ITGAD: variants seen among roughly 807,000 people sequenced by gnomAD.
ITGAD encodes integrin alpha-D.
ITGAD carries 105 observed loss-of-function variants against 139.0 expected under a neutral mutation model. The ratio of observed to expected loss-of-function variants is 0.76; its 90% CI spans 0.65 to 0.89. The LOEUF is 0.89. ITGAD is among the 40% of genes least tolerant of loss of function. The pLI is 0.00. For missense variants in ITGAD, 1,384 were observed against 1,487.3 expected (o/e 0.93, Z 1.14); for synonymous variants, 569 against 598.3 (o/e 0.95, Z 0.71).
chr16:31,407,329 CT>C (rs2081563499), intron 7 of ITGAD, among the ~76,000 whole-genome samples, 185 bp from the exon 8 acceptor site: 1 of 152,136 alleles, frequency 6.6e-6, no homozygotes, highest in African/African-American at 2.4e-5. Context: ...ACTCCAGAGC[CT>C]GGGCATCAGA....
intron 2 of ITGAD, among the ~76,000 whole-genome samples, chr16:31,395,151 T>C (rs1473520613): frequency 6.6e-6 from 1 of 152,060 alleles, no homozygotes; most frequent in Non-Finnish European, 1.5e-5. Flanking sequence ...ACCCCATCTC[T>C]ACTAAAAATG....
intron 18 of ITGAD, 117 bp downstream of exon 18, chr16:31,415,108 G>A: frequency 8.4e-7 from 1 of 1,188,310 alleles, no homozygotes; most frequent in Non-Finnish European, 1.2e-6. Flanking sequence ...CCTGACTCCA[G>A]TCTCTCCCTT....
At chr16:31,406,083 C>CT (rs900083489) in intron 7 of ITGAD, among the ~76,000 whole-genome samples, 103 of 144,216 alleles carry the variant, frequency 7.1e-4, no homozygotes, top group Non-Finnish European at 1.0e-3. Context: ...TTTTTTTTTT[C>CT]TTTTTTTTTG....
chr16:31,408,590 C>A (rs1003640657), intron 10 of ITGAD, 92 bp downstream of exon 10: 4 of 1,117,668 alleles, frequency 3.6e-6, no homozygotes, highest in African/African-American at 3.1e-5. Flanking sequence ...TAAACAAGAG[C>A]AGACCCCATC....
rs1179435304 is a variant in ITGAD, at chr16:31,414,451, G to A, written c.1997G>A (p.Gly666Asp). The A allele has an allele frequency of 6.2e-7, 1 of 1,613,912 alleles. No individual in the cohort carries two copies. The stretch of plus-strand genomic sequence containing the variant: ...TTTTGCACTCTCCCCTGCACTTCAG[G>A]TGACATCCAAAGCTCTGTCAGGTTT... ...TIQKSSLDQLGDIQSSVRFDL... is the reference protein window; with the variant it reads ...TIQKSSLDQLDDIQSSVRFDL... Residue 666 changes from glycine (G) to aspartate (D), a missense_variant and splice_region_variant, in exon 17 of 30, where the codon GGT becomes GAT. Coordinates refer to ENST00000389202, the MANE Select transcript of ITGAD (RefSeq NM_005353.3).
chr16:31,417,992 G>C, intron 20 of ITGAD, 83 bp from the exon 21 acceptor site: 2 of 1,024,434 alleles, frequency 2.0e-6, no homozygotes, highest in South Asian at 2.7e-5. Flanking sequence ...ATTTTCCCTA[G>C]TGCTCTGCAG....
chr16:31,414,752 G>A (rs922251187), intron 17 of ITGAD, 108 bp from the exon 18 acceptor site: 19 of 1,552,936 alleles, frequency 1.2e-5, no homozygotes, highest in East Asian at 4.5e-5. Flanking sequence ...CTGGCTCCAC[G>A]GCTTGGAGGG....
At position 31,403,456 on chromosome 16, in the gene ITGAD, G is replaced by A; in HGVS notation, c.559-44G>A. On this transcript the variant is annotated intron_variant, in intron 6 of 29. Coordinates refer to ENST00000389202, the MANE Select transcript of ITGAD (RefSeq NM_005353.3). The surrounding 1 kb of genome is among the most constrained non-coding windows in gnomAD (Gnocchi z 4.4). Reference sequence around the variant, plus strand: ...ACAAAAAATTAAAATAAAAACAATAGTAACAGGCACTGAGCCCTGGGCCCT... The same window carrying A: ...ACAAAAAATTAAAATAAAAACAATAATAACAGGCACTGAGCCCTGGGCCCT... 2.5e-6 allele frequency: 4 copies of A among 1,607,830 alleles called. No individual in the cohort carries two copies. Among genetic ancestry groups the A allele is most frequent in the Non-Finnish European group, 3.4e-6 (4 of 1,176,162 alleles).
At chr16:31,405,931 C>G (rs1301548201) in intron 7 of ITGAD, among the ~76,000 whole-genome samples, 1 of 152,208 alleles carries the variant, frequency 6.6e-6, no homozygotes, top group Non-Finnish European at 1.5e-5. Flanking sequence ...ATGGCTGTGT[C>G]TACTAACAGG....
rs754182830 is a variant in ITGAD at position 31,403,111 on chromosome 16, T to C, written c.559-389T>C. 119 of 155,798 alleles carry C rather than the reference T, an allele frequency of 7.6e-4. No individual in the cohort carries two copies. Among genetic ancestry groups the C allele is most frequent in the Non-Finnish European group, 6.8e-4 (48 of 70,374 alleles). The allele number at this position is 155,798 out of a possible 1,614,324, so 9.7% of individuals were successfully genotyped here. On this transcript the variant is annotated intron_variant, in intron 6 of 29. Transcript: ENST00000389202. This position sits in a 1 kb window ranked among gnomAD's most constrained non-coding sequence, Gnocchi z 4.4. ...TCTCTGGGTTTCAGTATATTATTTG[T>C]AGGGCTTCAAAACACATGGGAAATG... is the stretch of plus-strand genomic sequence containing the variant.
At chr16:31,401,681 A>G (rs1020178609) in intron 5 of ITGAD, among the ~76,000 whole-genome samples, 4 of 152,186 alleles carry the variant, frequency 2.6e-5, no homozygotes, top group African/African-American at 7.2e-5. Flanking sequence ...GTAGCCACTG[A>G]TATTACCTTC....
chr16:31,416,994 T>C (rs1597152677), intron 20 of ITGAD, among the ~76,000 whole-genome samples: 6 of 98,536 alleles, frequency 6.1e-5, no homozygotes, highest in East Asian at 3.7e-4. Context: ...TCTCTCTCCT[T>C]CCCCCCTCCC....
At chr16:31,412,676 C>T (rs1488984714) in intron 14 of ITGAD, among the ~76,000 whole-genome samples, 162 bp from the exon 15 acceptor site, 1 of 152,186 alleles carries the variant, frequency 6.6e-6, no homozygotes, top group African/African-American at 2.4e-5. Context: ...AATCATCTCC[C>T]GACTCCTACC....
Position 31,412,859 on chromosome 16 carries a change from T to G in ITGAD, c.1729T>G (p.Ser577Ala). Residue 577 changes from serine to alanine, a missense_variant, in exon 15 of 30, where the codon TCC (serine) becomes GCC (alanine). By Grantham distance (99) the Ser-to-Ala change is moderately conservative (BLOSUM62 1). Coordinates refer to ENST00000389202, the MANE Select transcript of ITGAD (RefSeq NM_005353.3). Reference protein sequence around the residue: ...HSQRIASSQLSPRLQYFGQAL... With the variant: ...HSQRIASSQLAPRLQYFGQAL... ...CCAGCGGATTGCCAGCTCCCAGCTC[T>G]CCCCCAGGCTGCAGTATTTTGGGCA... 6.2e-7 allele frequency: 1 copy of G among 1,614,024 alleles called. No homozygotes were observed. Among genetic ancestry groups the G allele is most frequent in the African/African-American group, 1.3e-5 (1 of 75,030 alleles).
chr16:31,393,535 C>G (rs1408075907), intron 1 of ITGAD, 144 bp downstream of exon 1: 17 of 834,850 alleles, frequency 2.0e-5, no homozygotes, highest in Middle Eastern at 3.4e-4. Flanking sequence ...GCGAGTGGCC[C>G]GGAGTCAGTA....
Position 31,411,358 on chromosome 16 carries a change from C to G in ITGAD, c.1548C>G (p.Pro516=), listed in dbSNP as rs1014471630. ...DAVLRGEQGH[P]WGRFGAALTV... ...TTCTCCGTGGTGAGCAGGGCCACCC[C>G]TGGGGCCGCTTTGGGGCAGCCCTGA... is the stretch of plus-strand genomic sequence containing the variant. Residue 516 remains proline (P), a synonymous_variant, in exon 14 of 30, where the codon CCC becomes CCG. Coordinates refer to ENST00000389202, the MANE Select transcript of ITGAD (RefSeq NM_005353.3). 6.2e-7 allele frequency: 1 copy of G among 1,613,846 alleles called. No homozygotes were observed. The highest frequency in any genetic ancestry group is 1.3e-5 in the African/African-American group (1 of 74,874).
At chr16:31,395,120 C>A (rs1567319022) in intron 2 of ITGAD, among the ~76,000 whole-genome samples, 2 of 152,232 alleles carry the variant, frequency 1.3e-5, no homozygotes, top group East Asian at 3.9e-4. Flanking sequence ...AGTTTGAGAC[C>A]AGTTTGGCCA....
At chr16:31,415,080 C>T in intron 18 of ITGAD, 89 bp downstream of exon 18, 1 of 1,473,384 alleles carries the variant, frequency 6.8e-7, no homozygotes, top group Admixed American at 1.8e-5. Flanking sequence ...CAACACCCAA[C>T]CACATCCAGT....
At chr16:31,409,375 C>T (rs2081623378) in intron 10 of ITGAD, among the ~76,000 whole-genome samples, 1 of 151,358 alleles carries the variant, frequency 6.6e-6, no homozygotes. Context: ...GGGTTTACTT[C>T]AGAGTAATTT....
Sources: gnomAD v4.1 joint callset for allele counts (sites outside exome capture counted in the v4.1 genomes callset) on GRCh38, gnomAD v4.1.1 for gene constraint, Gnocchi (gnomAD v3.1) non-coding constraint, MANE v1.5 for transcripts, NCBI Gene and HGNC (gene_info 2026-07-23, HGNC 2026-07-21) for gene names.